Variants in GRIN2A observed in about 807,000 individuals in gnomAD.
GRIN2A encodes glutamate receptor ionotropic, NMDA 2A.
In GRIN2A, 22 loss-of-function variants were observed where a neutral mutation model predicts 113.4. The ratio of observed to expected loss-of-function variants is 0.19; its 90% CI spans 0.14 to 0.28. GRIN2A has a LOEUF of 0.28. Ranked by LOEUF, GRIN2A falls within the 10% of genes least tolerant of loss-of-function variation. The pLI, the probability that GRIN2A is intolerant of heterozygous loss-of-function variation, is 1.00. For synonymous variants in GRIN2A, 827 were observed against 738.4 expected (o/e 1.12, Z -1.94); for missense variants, 1,502 against 1,887.0 (o/e 0.80, Z 3.78).
At chr16:9,789,587 C>A (rs566139731) in intron 11 of GRIN2A, among the ~76,000 whole-genome samples, 1,713 of 128,116 alleles carry the variant, frequency 0.013, 23 homozygotes, top group African/African-American at 0.05. Context: ...CACACACACA[C>A]ACAAACACAT....
At chr16:9,884,755 T>C (rs2141464991) in intron 4 of GRIN2A, among the ~76,000 whole-genome samples, 1 of 148,774 alleles carries the variant, frequency 6.7e-6, no homozygotes, top group East Asian at 2.0e-4. Context: ...AATTTCTTTT[T>C]TTTTTTTTTT....
rs972832027 is a variant in GRIN2A, at chr16:10,061,235, T to C, written c.414+118763A>G. ...GAAGCAACTTTAATGATGCAAACCATGTGCTTAAGAGTACAACAGAAATAC... is the reference window on the plus strand; with the variant it reads ...GAAGCAACTTTAATGATGCAAACCACGTGCTTAAGAGTACAACAGAAATAC... On this transcript the variant is annotated intron_variant, in intron 2 of 12. Coordinates refer to ENST00000330684, the MANE Select transcript of GRIN2A (RefSeq NM_001134407.3). 2.6e-5 allele frequency among the ~76,000 whole-genome samples: 4 copies of C among 152,172 alleles called. No individual in the cohort carries two copies. The East Asian group carries it at 5.8e-4, about 22-fold the overall frequency.
At chr16:9,996,971 C>T (rs543477545) in intron 2 of GRIN2A, among the ~76,000 whole-genome samples, 52 of 152,232 alleles carry the variant, frequency 3.4e-4, no homozygotes, top group African/African-American at 1.1e-3. Context: ...AACAAAAAAA[C>T]GCCAACCTTT....
intron 2 of GRIN2A, among the ~76,000 whole-genome samples, chr16:9,965,561 C>T (rs185082427): frequency 1.3e-5 from 2 of 152,242 alleles, no homozygotes; most frequent in African/African-American, 2.4e-5. Context: ...ATAATTTCCT[C>T]GACACTTGAA....
intron 2 of GRIN2A, among the ~76,000 whole-genome samples, chr16:10,094,394 G>T (rs960213696): frequency 6.6e-6 from 1 of 152,052 alleles, no homozygotes. Context: ...ATACATGAGG[G>T]GATTTTTTTA....
At chr16:9,897,421 T>C (rs1217211375) in intron 3 of GRIN2A, among the ~76,000 whole-genome samples, 1 of 151,994 alleles carries the variant, frequency 6.6e-6, no homozygotes, top group Non-Finnish European at 1.5e-5. Flanking sequence ...TATATTATGA[T>C]TGAATATAAA....
At position 9,847,863 on chromosome 16, in the gene GRIN2A, A is replaced by G. The variant is rs567382166; in HGVS notation, c.1328+1893T>C. Among the ~76,000 whole-genome samples, 11 of 147,932 alleles carry G rather than the reference A, an allele frequency of 7.4e-5. No homozygotes were observed. The South Asian group carries it at 2.3e-3, about 31-fold the overall frequency. ...GGATTTCAACTTCAAAGAGGCTGACATTTGTGACCTCATTGATAAAATTTT... is the reference window on the plus strand; with the variant it reads ...GGATTTCAACTTCAAAGAGGCTGACGTTTGTGACCTCATTGATAAAATTTT... On this transcript the variant is annotated intron_variant, in intron 5 of 12. Transcript: ENST00000330684.
intron 2 of GRIN2A, among the ~76,000 whole-genome samples, chr16:10,039,802 G>GAGAGAGAGA (rs1555469289): frequency 1.8e-5 from 1 of 56,166 alleles, no homozygotes; most frequent in Non-Finnish European, 3.2e-5. Context: ...GGGAGGGGGA[G>GAGAGAGAGA]GGGGGGGAGA....
intron 7 of GRIN2A, among the ~76,000 whole-genome samples, chr16:9,837,887 C>G (rs550774349): frequency 1.3e-5 from 2 of 152,190 alleles, no homozygotes; most frequent in South Asian, 4.1e-4. Context: ...ACAAAGGTTA[C>G]AAAAATTGAA....
chr16:9,910,421 C>T (rs2044110538), intron 3 of GRIN2A, among the ~76,000 whole-genome samples: 1 of 151,394 alleles, frequency 6.6e-6, no homozygotes, highest in Non-Finnish European at 1.5e-5. Context: ...AGAAAGCAAG[C>T]AGATGGCTGA....
At chr16:10,007,294 T>A (rs573715085) in intron 2 of GRIN2A, among the ~76,000 whole-genome samples, 13 of 152,248 alleles carry the variant, frequency 8.5e-5, no homozygotes, top group Non-Finnish European at 1.5e-4. Flanking sequence ...CCAGCATTCA[T>A]CATTGCCTGT....
At chr16:9,937,607 C>A in intron 3 of GRIN2A, 1 of 315,596 alleles carries the variant, frequency 3.2e-6, no homozygotes, top group South Asian at 3.0e-5. Context: ...GTGATGAGGG[C>A]TATGAGGTTA....
chr16:9,884,353 A>G (rs1463379441), intron 4 of GRIN2A, among the ~76,000 whole-genome samples: 2 of 152,152 alleles, frequency 1.3e-5, no homozygotes, highest in African/African-American at 4.8e-5. Context: ...GTTCAAGACC[A>G]GCCTGGCCAA....
rs531509086 is a variant in GRIN2A at position 9,980,088 on chromosome 16, C to A, written c.415-41537G>T. ...CAGCCTGGCCAACATGGTGAAACCCCCATCTCTACTAACAAAAAAAACAGA... is the reference window on the plus strand; with the variant it reads ...CAGCCTGGCCAACATGGTGAAACCCACATCTCTACTAACAAAAAAAACAGA... On this transcript the variant is annotated intron_variant, in intron 2 of 12. Transcript: ENST00000330684. Among the ~76,000 whole-genome samples the A allele has an allele frequency of 6.6e-5, 10 of 151,474 alleles. No homozygotes were observed. In the South Asian group the frequency reaches 2.1e-3, roughly 32 times the overall value.
intron 11 of GRIN2A, among the ~76,000 whole-genome samples, chr16:9,769,982 A>AC (rs1901163622): frequency 1.3e-5 from 2 of 151,634 alleles, no homozygotes; most frequent in African/African-American, 2.4e-5. Context: ...AACTATACCC[A>AC]CCCCCCAACT....
chr16:9,873,561 C>CAACAAA (rs1555499080), intron 4 of GRIN2A, among the ~76,000 whole-genome samples: 5 of 142,156 alleles, frequency 3.5e-5, no homozygotes, highest in Non-Finnish European at 7.7e-5. Flanking sequence ...ACAACAACAA[C>CAACAAA]AACAAACAAA....
At chr16:9,992,871 A>G (rs1476470904) in intron 2 of GRIN2A, among the ~76,000 whole-genome samples, 1 of 152,194 alleles carries the variant, frequency 6.6e-6, no homozygotes, top group Non-Finnish European at 1.5e-5. Context: ...TCTTGCTTCC[A>G]ACACTACCCG....
At chr16:10,097,174 G>A (rs1374086497) in intron 2 of GRIN2A, among the ~76,000 whole-genome samples, 2 of 152,234 alleles carry the variant, frequency 1.3e-5, no homozygotes, top group Non-Finnish European at 2.9e-5. Flanking sequence ...CAGTCTCTGA[G>A]CTGTTTGGTC....
chr16:10,086,794 A>C (rs1530669), intron 2 of GRIN2A, among the ~76,000 whole-genome samples: 6 of 152,062 alleles, frequency 3.9e-5, no homozygotes, highest in African/African-American at 1.4e-4. Flanking sequence ...CTAGGCTGCC[A>C]AGCTCTAAAA....
Sources: gnomAD v4.1 joint callset for allele counts (sites outside exome capture counted in the v4.1 genomes callset) on GRCh38, gnomAD v4.1.1 for gene constraint, MANE v1.5 for transcripts, NCBI Gene and HGNC (gene_info 2026-07-23, HGNC 2026-07-21) for gene names.